GRM4: variants seen among roughly 807,000 people sequenced by gnomAD.
GRM4 encodes the protein metabotropic glutamate receptor 4.
In GRM4, 28 loss-of-function variants were observed where a neutral mutation model predicts 81.7. The observed-to-expected ratio is 0.34, with a 90% CI of 0.25 to 0.47. GRM4 has a LOEUF of 0.47. GRM4 is among the 20% of genes least tolerant of loss of function. GRM4 has a pLI of 1.00. For missense variants in GRM4, 948 were observed against 1,290.0 expected (o/e 0.73, Z 4.06); for synonymous variants, 488 against 528.8 (o/e 0.92, Z 1.06).
chr6:34,056,257 T>C (rs1380611804), intron 6 of GRM4: 2 of 432,374 alleles, frequency 4.6e-6, no homozygotes, highest in South Asian at 2.9e-5. Context: ...GAGGGGTCAG[T>C]TCAGTGCTGT....
chr6:34,071,001 C>T (rs1413775141), intron 3 of GRM4, among the ~76,000 whole-genome samples: 2 of 151,858 alleles, frequency 1.3e-5, no homozygotes, highest in African/African-American at 4.8e-5. Flanking sequence ...GACAGAGTCA[C>T]AGATCCCATA....
At chr6:34,099,703 CA>C (rs1258055894) in intron 2 of GRM4, among the ~76,000 whole-genome samples, 1 of 152,158 alleles carries the variant, frequency 6.6e-6, no homozygotes, top group African/African-American at 2.4e-5. Flanking sequence ...CCACGCCCTC[CA>C]TGGAGCTGCC....
At chr6:34,138,951 G>T (rs1275357384) in intron 1 of GRM4, among the ~76,000 whole-genome samples, 1 of 152,218 alleles carries the variant, frequency 6.6e-6, no homozygotes, top group East Asian at 1.9e-4. Flanking sequence ...ATAGTTTCAG[G>T]CAGGGAAACT....
intron 2 of GRM4, among the ~76,000 whole-genome samples, chr6:34,113,232 G>C (rs1161263773): frequency 1.3e-5 from 2 of 150,988 alleles, no homozygotes; most frequent in Non-Finnish European, 2.9e-5. Context: ...GCTCACTACA[G>C]CCTCAAACGC....
rs1020935055 is a variant in GRM4 at position 34,090,440 on chromosome 6, G to A, written c.736+1443C>T. ...GTCTGAGCAAAGGAGGAAAGGACAT[G>A]TGGGTGGCCCAAGGGAGGGGCTGGG... is the stretch of plus-strand genomic sequence containing the variant. On this transcript the variant is annotated intron_variant, in intron 3 of 10. Coordinates refer to ENST00000538487, the MANE Select transcript of GRM4 (RefSeq NM_000841.4). The surrounding 1 kb of genome is among the most constrained non-coding windows in gnomAD (Gnocchi z 5.2). 6.6e-6 allele frequency among the ~76,000 whole-genome samples: 1 copy of A among 152,192 alleles called. No homozygotes were observed. Among genetic ancestry groups the A allele is most frequent in the Non-Finnish European group, 1.5e-5 (1 of 68,028 alleles).
At position 34,064,811 on chromosome 6, in the gene GRM4, G is replaced by A. The variant is rs944232688; in HGVS notation, c.737-2783C>T. Among the ~76,000 whole-genome samples, 12 of 152,146 alleles carry A rather than the reference G, an allele frequency of 7.9e-5. No individual in the cohort carries two copies. Among genetic ancestry groups the A allele is most frequent in the Non-Finnish European group, 7.4e-5 (5 of 68,010 alleles). On this transcript the variant is annotated intron_variant, in intron 3 of 10. Transcript: ENST00000538487. The surrounding 1 kb of genome is among the most constrained non-coding windows in gnomAD (Gnocchi z 4.4). ...ACCCCCTGCATGCCTGGCACCATGC[G>A]AGGCCCAGTCTCAATGAATCCTTAC...
At chr6:34,103,366 G>A (rs1168113188) in intron 2 of GRM4, among the ~76,000 whole-genome samples, 3 of 152,130 alleles carry the variant, frequency 2.0e-5, no homozygotes, top group African/African-American at 7.2e-5. Flanking sequence ...GGCCCGATAA[G>A]GCCCAGAAGC....
At chr6:34,031,677 G>A (rs543285606) in intron 9 of GRM4, among the ~76,000 whole-genome samples, 1 of 152,310 alleles carries the variant, frequency 6.6e-6, no homozygotes, top group African/African-American at 2.4e-5. Flanking sequence ...AGTGGAGAAA[G>A]CCCGCTCAGT....
rs757495749 is a variant in GRM4, at chr6:34,022,522, A to C, written c.*299T>G. On this transcript the variant is annotated 3_prime_UTR_variant, in exon 11 of 11. Transcript: ENST00000538487. The surrounding 1 kb of genome is among the most constrained non-coding windows in gnomAD (Gnocchi z 5.6). ...CAGAGACGAAGGGAGGGAGAGATCT[A>C]GCACTGGGGCCCACACGACCTGAGC... 16 of 477,288 alleles carry C rather than the reference A, an allele frequency of 3.4e-5. No individual in the cohort carries two copies. Among genetic ancestry groups the C allele is most frequent in the Non-Finnish European group, 5.7e-5 (15 of 262,428 alleles). The allele number at this position is 477,288 out of a possible 1,614,324, so 29.6% of individuals were successfully genotyped here. A position where few individuals can be genotyped will look rare whatever the true frequency, so the allele number is the denominator to read the frequency against.
chr6:34,066,493 T>C (rs761581289), intron 3 of GRM4, among the ~76,000 whole-genome samples: 14 of 152,104 alleles, frequency 9.2e-5, no homozygotes, highest in Non-Finnish European at 1.5e-4. Context: ...AAGATGCATA[T>C]ATATGTACTA....
rs529742580 is a variant in GRM4 at position 34,131,480 on chromosome 6, A to G, written c.519+1498T>C. 2.1e-4 allele frequency among the ~76,000 whole-genome samples: 32 copies of G among 152,294 alleles called. No homozygotes were observed. In the East Asian group the frequency reaches 5.8e-3, roughly 28 times the overall value. On this transcript the variant is annotated intron_variant, in intron 2 of 10. Transcript: ENST00000538487. ...GAGGCCCACAGAGCATACCAGAGAC[A>G]TGACTGCATACACAGGTGGGCGCAC...
intron 3 of GRM4, among the ~76,000 whole-genome samples, chr6:34,087,534 G>A (rs1011466971): frequency 2.0e-4 from 30 of 151,978 alleles, no homozygotes; most frequent in Non-Finnish European, 2.5e-4. Context: ...GAGCCCAGGC[G>A]AGGCCTGCTC....
In GRM4 at chr6:34,087,708, C is replaced by G. The variant is rs11968206; in HGVS notation, c.736+4175G>C. On this transcript the variant is annotated intron_variant, in intron 3 of 10. Coordinates refer to ENST00000538487, the MANE Select transcript of GRM4 (RefSeq NM_000841.4). ...CGCACACACACACACAACCCCCCCC[C>G]CACACACACACACACAGGCCCAGTC... 2.4e-4 allele frequency among the ~76,000 whole-genome samples: 33 copies of G among 137,852 alleles called. 1 individual carries two copies. The highest frequency in any genetic ancestry group is 4.7e-4 in the Non-Finnish European group (30 of 63,384). The allele number at this position is 137,852 out of a possible 152,430, so 90.4% of individuals were successfully genotyped here.
At position 34,061,875 on chromosome 6, in the gene GRM4, G is replaced by A; in HGVS notation, c.872+18C>T. 1 of 1,603,204 alleles carries A rather than the reference G, an allele frequency of 6.2e-7. No homozygotes were observed. Among genetic ancestry groups the A allele is most frequent in the Non-Finnish European group, 8.5e-7 (1 of 1,171,846 alleles). On this transcript the variant is annotated intron_variant, in intron 4 of 10. Transcript: ENST00000538487. The stretch of plus-strand genomic sequence containing the variant: ...CTGCATGGCTCCCGGTGCCCACCCT[G>A]CTGCCACCTGCCCTCACCTGATGTC...
rs145433025 is a variant in GRM4, at chr6:34,126,810, C to T, written c.519+6168G>A. ...TTGGCGAGGGTTTCCTGAGGGCCAC[C>T]GTCTGCCTGCATCAGCTGGGAGTTC... On this transcript the variant is annotated intron_variant, in intron 2 of 10. Coordinates refer to ENST00000538487, the MANE Select transcript of GRM4 (RefSeq NM_000841.4). Among the ~76,000 whole-genome samples the T allele has an allele frequency of 1.3e-3, 192 of 152,324 alleles. 1 individual carries two copies. Among genetic ancestry groups the T allele is most frequent in the African/African-American group, 4.1e-3 (171 of 41,558 alleles).
At chr6:34,095,637 C>T (rs551119537) in intron 2 of GRM4, among the ~76,000 whole-genome samples, 1 of 152,308 alleles carries the variant, frequency 6.6e-6, no homozygotes, top group South Asian at 2.1e-4. Flanking sequence ...TCCCGCTAAA[C>T]CTCCTCTGGC....
chr6:34,098,917 G>A (rs1187521878), intron 2 of GRM4, among the ~76,000 whole-genome samples: 1 of 152,130 alleles, frequency 6.6e-6, no homozygotes, highest in Non-Finnish European at 1.5e-5. Flanking sequence ...AGATGGGGTT[G>A]CCAGCTGCCC....
exon 1 of GRM4, chr6:34,155,569 A>G (rs1771135772): frequency 2.1e-6 from 1 of 487,518 alleles, no homozygotes; most frequent in Admixed American, 4.0e-5. Flanking sequence ...CATGTTGCCC[A>G]GGCTGGTCTT....
chr6:34,050,842 C>T (rs1246084544), intron 6 of GRM4, among the ~76,000 whole-genome samples: 1 of 152,206 alleles, frequency 6.6e-6, no homozygotes, highest in African/African-American at 2.4e-5. Context: ...CAAGGCCACT[C>T]GCAGGACGGC....
Sources: allele counts gnomAD v4.1 joint callset (sites outside exome capture counted in the v4.1 genomes callset), GRCh38; gene constraint gnomAD v4.1.1; non-coding constraint Gnocchi (gnomAD v3.1); transcripts MANE v1.5; gene names NCBI Gene and HGNC (gene_info 2026-07-23, HGNC 2026-07-21).